The following GPD2 variants were observed in gnomAD, a reference collection of about 807,000 sequenced individuals.
GPD2 encodes the protein glycerol-3-phosphate dehydrogenase, mitochondrial.
GPD2 carries 54 observed loss-of-function variants against 82.4 expected under a neutral mutation model. The observed-to-expected ratio is 0.66, with a 90% CI of 0.53 to 0.82. The LOEUF (loss-of-function observed/expected upper bound fraction) is 0.82, where lower values mean the gene tolerates loss of function less well. Ranked by LOEUF, GPD2 falls within the 40% of genes least tolerant of loss-of-function variation. The pLI, the probability that GPD2 is intolerant of heterozygous loss-of-function variation, is 0.00. For synonymous variants in GPD2, 288 were observed against 306.1 expected (o/e 0.94, Z 0.62); for missense variants, 748 against 896.2 (o/e 0.83, Z 2.11).
chr2:156,413,439 C>G, the GPD2 span, among the ~76,000 whole-genome samples: 6 of 150,556 alleles, frequency 4.0e-5, no homozygotes, highest in African/African-American at 1.5e-4. Flanking sequence ...AAAAAATTAG[C>G]CAGGTGTGGT....
intron 9 of GPD2, among the ~76,000 whole-genome samples, chr2:156,558,358 G>T (rs1687040315): frequency 6.6e-6 from 1 of 152,186 alleles, no homozygotes; most frequent in African/African-American, 2.4e-5. Flanking sequence ...AGGTCCATCA[G>T]CCACTTCATT....
chr2:156,446,711 G>A (rs1029310912), intron 1 of GPD2, among the ~76,000 whole-genome samples: 17 of 151,828 alleles, frequency 1.1e-4, no homozygotes, highest in African/African-American at 1.9e-4. Context: ...TTACAGGTAC[G>A]TGCCACCATG....
intron 1 of GPD2, among the ~76,000 whole-genome samples, chr2:156,454,008 G>A (rs1682706797): frequency 6.6e-6 from 1 of 152,230 alleles, no homozygotes; most frequent in African/African-American, 2.4e-5. Context: ...AGCGAGAAGG[G>A]ATAATGGGTG....
At position 156,449,979 on chromosome 2, in the gene GPD2, C is replaced by T. The variant is rs559891942; in HGVS notation, c.-9+13466C>T. Among the ~76,000 whole-genome samples, 10 of 151,604 alleles carry T rather than the reference C, an allele frequency of 6.6e-5. No individual in the cohort carries two copies. The South Asian group carries it at 2.1e-3, about 32-fold the overall frequency. ...TGAGCCAAGATTGTGCCACTGCACT[C>T]CAGCCTGGGTGACAGAGTGAGACTC... On this transcript the variant is annotated intron_variant, in intron 1 of 16. Transcript: ENST00000438166.
chr2:156,578,822 T>A, intron 13 of GPD2, 67 bp from the exon 14 acceptor site: 1 of 924,970 alleles, frequency 1.1e-6, no homozygotes, highest in Non-Finnish European at 1.8e-6. Context: ...AGATCAACAG[T>A]AAAAAAAGGA....
intron 1 of GPD2, among the ~76,000 whole-genome samples, chr2:156,463,689 C>A (rs919421803): frequency 6.6e-6 from 1 of 152,086 alleles, no homozygotes. Context: ...TTCCAGAATA[C>A]CCCCTGATGA....
At chr2:156,501,533 G>A (rs1473738105) in intron 3 of GPD2, among the ~76,000 whole-genome samples, 1 of 152,146 alleles carries the variant, frequency 6.6e-6, no homozygotes, top group Admixed American at 6.6e-5. Context: ...TTTGGGAAAG[G>A]AAGGAGATGT....
intron 6 of GPD2, among the ~76,000 whole-genome samples, chr2:156,547,648 G>C (rs1686596800): frequency 6.6e-6 from 1 of 152,182 alleles, no homozygotes; most frequent in South Asian, 2.1e-4. Flanking sequence ...AGTTAAGCTT[G>C]CTTACCTGCA....
the GPD2 span, among the ~76,000 whole-genome samples, chr2:156,421,476 T>A: frequency 7.2e-5 from 11 of 152,232 alleles, no homozygotes; most frequent in Non-Finnish European, 1.6e-4. Context: ...TTTGGCTTAC[T>A]TGAAAATTCT....
chr2:156,439,545 A>C (rs1309823150), intron 1 of GPD2, among the ~76,000 whole-genome samples: 8 of 140,360 alleles, frequency 5.7e-5, no homozygotes, highest in African/African-American at 2.1e-4. Context: ...AAAAACAAAA[A>C]AAAAAAAACA....
the GPD2 span, among the ~76,000 whole-genome samples, chr2:156,419,637 A>G: frequency 6.6e-6 from 1 of 152,084 alleles, no homozygotes; most frequent in African/African-American, 2.4e-5. Context: ...TTTCTTTCAT[A>G]ATCATCATCC....
At chr2:156,430,281 T>G in the GPD2 span, among the ~76,000 whole-genome samples, 2 of 152,146 alleles carry the variant, frequency 1.3e-5, no homozygotes, top group Non-Finnish European at 2.9e-5. Context: ...GTGTGGTGTC[T>G]TCAGCATATT....
At chr2:156,578,543 T>C (rs1687906031) in intron 13 of GPD2, among the ~76,000 whole-genome samples, 1 of 152,166 alleles carries the variant, frequency 6.6e-6, no homozygotes, top group Non-Finnish European at 1.5e-5. Context: ...CACAAAAGAC[T>C]ACATACTATA....
At chr2:156,459,616 A>C (rs1220467951) in intron 1 of GPD2, among the ~76,000 whole-genome samples, 1 of 141,060 alleles carries the variant, frequency 7.1e-6, no homozygotes, top group Non-Finnish European at 1.5e-5. Context: ...TGAACCAGGG[A>C]GTCAGAGGTT....
chr2:156,516,694 C>T (rs1685209340), intron 6 of GPD2, among the ~76,000 whole-genome samples: 2 of 152,234 alleles, frequency 1.3e-5, no homozygotes, highest in Admixed American at 6.5e-5. Flanking sequence ...ATTCTCCCTC[C>T]CTGGACTTCC....
chr2:156,408,127 G>A, the GPD2 span, among the ~76,000 whole-genome samples: 1 of 151,538 alleles, frequency 6.6e-6, no homozygotes, highest in Non-Finnish European at 1.5e-5. Flanking sequence ...GCTAATTTTT[G>A]TATTTTTTGT....
intron 15 of GPD2, 85 bp downstream of exon 15, chr2:156,579,249 A>G: frequency 1.3e-6 from 1 of 777,966 alleles, no homozygotes; most frequent in East Asian, 2.5e-5. Context: ...GTTTTCTACA[A>G]GTAATATTTT....
the GPD2 span, among the ~76,000 whole-genome samples, chr2:156,423,952 G>GT: frequency 2.0e-5 from 3 of 152,194 alleles, no homozygotes; most frequent in African/African-American, 7.2e-5. Context: ...ATAATGCTTA[G>GT]TTACCAAAAG....
At chr2:156,427,564 T>C in the GPD2 span, among the ~76,000 whole-genome samples, 1 of 152,234 alleles carries the variant, frequency 6.6e-6, no homozygotes, top group Admixed American at 6.5e-5. Context: ...ATTTACATGG[T>C]TGTAAATTGC....
Sources: allele counts gnomAD v4.1 joint callset (sites outside exome capture counted in the v4.1 genomes callset), GRCh38; gene constraint gnomAD v4.1.1; transcripts MANE v1.5; gene names NCBI Gene and HGNC (gene_info 2026-07-23, HGNC 2026-07-21).